The following PCDHGA2 variants were observed in gnomAD, a reference collection of about 807,000 sequenced individuals.
The protein encoded by PCDHGA2 is protocadherin gamma-A2.
Under a neutral mutation model 59.2 loss-of-function variants are expected in PCDHGA2, and 40 were observed. That is an observed-to-expected ratio of 0.68 (90% CI 0.52 to 0.88). The LOEUF (loss-of-function observed/expected upper bound fraction) is 0.88. Among genes scored for constraint, PCDHGA2 ranks in the 40% least tolerant of loss-of-function variants. The probability of loss-of-function intolerance (pLI) is 0.00; values close to 1 mark genes in which losing one functional copy is unlikely to be tolerated. For missense variants in PCDHGA2, 1,226 were observed against 1,204.0 expected (o/e 1.02, Z -0.27); for synonymous variants, 560 against 526.0 (o/e 1.06, Z -0.89).
At chr5:141,343,363 T>C in intron 1 of PCDHGA2, 2 of 981,050 alleles carry the variant, frequency 2.0e-6, no homozygotes, top group African/African-American at 1.8e-5. Flanking sequence ...GAGTTAAGAG[T>C]ATAGAGAGGG....
chr5:141,347,969 A>T (rs755614604), intron 1 of PCDHGA2, among the ~76,000 whole-genome samples: 21 of 152,216 alleles, frequency 1.4e-4, no homozygotes, highest in Non-Finnish European at 7.3e-5. Context: ...TGAGAAGGAC[A>T]TCAAAAACAT....
At chr5:141,364,769 G>A in intron 1 of PCDHGA2, 4 of 1,614,012 alleles carry the variant, frequency 2.5e-6, no homozygotes, top group Non-Finnish European at 3.4e-6. Flanking sequence ...TGAAAATGCG[G>A]CTGCAGGGAC....
intron 1 of PCDHGA2, chr5:141,355,989 C>G (rs539292307): frequency 1.9e-6 from 3 of 1,613,804 alleles, no homozygotes; most frequent in Middle Eastern, 1.6e-4. Flanking sequence ...GGCTACTCAC[C>G]GTAAAAGCCA....
Position 141,511,253 on chromosome 5 carries a change from A to G in PCDHGA2, c.*80A>G. The G allele has an allele frequency of 1.3e-6, 2 of 1,568,402 alleles. No homozygotes were observed. The highest frequency in any genetic ancestry group is 1.7e-6 in the Non-Finnish European group (2 of 1,157,066). On this transcript the variant is annotated 3_prime_UTR_variant, in exon 4 of 4. Coordinates refer to ENST00000394576, the MANE Select transcript of PCDHGA2 (RefSeq NM_018915.4). ...CTCCTTACCTGCACCCAGGCCTCAG[A>G]GTTTCAGGGCTAACCCCCAGAATAC...
chr5:141,489,983 G>T lies in PCDHGA2; in HGVS notation c.2425-4824G>T. ...CCAACCTTCCAATCCTCAGTTCTACGTGTGGGAATCCCAGAGAATGCACCC... is the reference window on the plus strand; with the variant it reads ...CCAACCTTCCAATCCTCAGTTCTACTTGTGGGAATCCCAGAGAATGCACCC... On this transcript the variant is annotated intron_variant, in intron 1 of 3. Coordinates refer to ENST00000394576, the MANE Select transcript of PCDHGA2 (RefSeq NM_018915.4). The surrounding 1 kb of genome is among the most constrained non-coding windows in gnomAD (Gnocchi z 4.5). The T allele has an allele frequency of 6.2e-7, 1 of 1,614,172 alleles. No homozygotes were observed. Among genetic ancestry groups the T allele is most frequent in the Non-Finnish European group, 8.5e-7 (1 of 1,179,996 alleles).
rs1430298222 is a variant in PCDHGA2, at chr5:141,476,741, A to C, written c.2425-18066A>C. ...CGCCCTGGACCGAGAACGGGAGCCTAGTCTCCAGTTAGTGCTGACGGCGTT... is the reference window on the plus strand; with the variant it reads ...CGCCCTGGACCGAGAACGGGAGCCTCGTCTCCAGTTAGTGCTGACGGCGTT... On this transcript the variant is annotated intron_variant, in intron 1 of 3. Coordinates refer to ENST00000394576, the MANE Select transcript of PCDHGA2 (RefSeq NM_018915.4). The surrounding 1 kb of genome is among the most constrained non-coding windows in gnomAD (Gnocchi z 7.6). 1 of 1,613,936 alleles carries C rather than the reference A, an allele frequency of 6.2e-7. No homozygotes were observed. Among genetic ancestry groups the C allele is most frequent in the South Asian group, 1.1e-5 (1 of 91,088 alleles).
At chr5:141,433,487 C>T (rs1052153936) in intron 1 of PCDHGA2, among the ~76,000 whole-genome samples, 3 of 152,094 alleles carry the variant, frequency 2.0e-5, no homozygotes, top group African/African-American at 7.2e-5. Context: ...TCCTGCTTCT[C>T]CCTCCCAAAC....
chr5:141,361,182 G>A (rs376882435), intron 1 of PCDHGA2: 56 of 1,613,766 alleles, frequency 3.5e-5, no homozygotes, highest in Non-Finnish European at 4.7e-5. Context: ...AAGTTATTGT[G>A]ACTTCAGTAT....
chr5:141,371,762 C>G (rs755631698), intron 1 of PCDHGA2: 1 of 1,614,030 alleles, frequency 6.2e-7, no homozygotes, highest in South Asian at 1.1e-5. Context: ...ACCAGGCCTC[C>G]TACACCGTGC....
intron 1 of PCDHGA2, chr5:141,345,019 C>G: frequency 6.2e-7 from 1 of 1,613,938 alleles, no homozygotes; most frequent in Non-Finnish European, 8.5e-7. Flanking sequence ...GGTCTTCTTT[C>G]AAGAGCCAAG....
chr5:141,496,132 C>T (rs865808904), intron 2 of PCDHGA2, among the ~76,000 whole-genome samples: 1 of 152,058 alleles, frequency 6.6e-6, no homozygotes, highest in African/African-American at 2.4e-5. Flanking sequence ...CCCTCACACA[C>T]TGAGCCTTTG....
intron 1 of PCDHGA2, among the ~76,000 whole-genome samples, chr5:141,370,010 T>A (rs1325355528): frequency 6.6e-6 from 1 of 152,172 alleles, no homozygotes; most frequent in African/African-American, 2.4e-5. Context: ...TTAAAAGAAA[T>A]AACAGACTAA....
chr5:141,351,389 A>G (rs1758708224), intron 1 of PCDHGA2: 1 of 1,612,074 alleles, frequency 6.2e-7, no homozygotes, highest in Non-Finnish European at 8.5e-7. Context: ...GCAAAATGGC[A>G]TGGTGACATG....
Position 141,398,862 on chromosome 5 carries a change from C to G in PCDHGA2, c.2424+57467C>G, listed in dbSNP as rs771326288. On this transcript the variant is annotated intron_variant, in intron 1 of 3. Transcript: ENST00000394576. ...ATAATCCCCCGGTATTCAACCGAGA[C>G]GTGTACAGAGTCAGCCTTCGGGAAA... 4 of 1,613,848 alleles carry G rather than the reference C, an allele frequency of 2.5e-6. No individual in the cohort carries two copies. The African/African-American group carries it at 5.3e-5, about 22-fold the overall frequency.
intron 3 of PCDHGA2, among the ~76,000 whole-genome samples, chr5:141,510,117 T>C (rs1205620535): frequency 6.6e-6 from 1 of 151,908 alleles, no homozygotes; most frequent in East Asian, 1.9e-4. Context: ...TGTTTTGAAA[T>C]ACAAAAATTA....
chr5:141,399,026 A>C (rs1448827116), intron 1 of PCDHGA2: 1 of 1,613,886 alleles, frequency 6.2e-7, no homozygotes, highest in East Asian at 2.2e-5. Flanking sequence ...ATTACCACTC[A>C]AAAGAAACTG....
At chr5:141,387,499 T>A (rs57697403) in intron 1 of PCDHGA2, among the ~76,000 whole-genome samples, 12,383 of 152,290 alleles carry the variant, frequency 0.081, 653 homozygotes, top group African/African-American at 0.15. Context: ...TAAGAGTACA[T>A]TTTTAGACGT....
At chr5:141,368,533 CT>C (rs1239634165) in intron 1 of PCDHGA2, among the ~76,000 whole-genome samples, 2 of 152,024 alleles carry the variant, frequency 1.3e-5, no homozygotes, top group Non-Finnish European at 2.9e-5. Context: ...TGAAAACTTG[CT>C]TTTCCATTTT....
At chr5:141,404,524 G>GTTT in intron 1 of PCDHGA2, 7 of 1,613,938 alleles carry the variant, frequency 4.3e-6, no homozygotes, top group Non-Finnish European at 5.9e-6. Context: ...ACTATGAGCA[G>GTTT]TTTAGAGATT....
Sources: gnomAD v4.1 joint callset for allele counts (sites outside exome capture counted in the v4.1 genomes callset) on GRCh38, gnomAD v4.1.1 for gene constraint, Gnocchi (gnomAD v3.1) non-coding constraint, MANE v1.5 for transcripts, NCBI Gene and HGNC (gene_info 2026-07-23, HGNC 2026-07-21) for gene names.